The following RIMS1 variants were observed in gnomAD, a reference collection of about 807,000 sequenced individuals.
RIMS1 encodes regulating synaptic membrane exocytosis 1.
A neutral mutation model predicts 214.1 loss-of-function variants in RIMS1; 83 were observed. The ratio of observed to expected loss-of-function variants is 0.39; its 90% confidence interval spans 0.32 to 0.47. The LOEUF (loss-of-function observed/expected upper bound fraction) is 0.47. Ranked by LOEUF, RIMS1 falls within the 20% of genes least tolerant of loss-of-function variation. The probability of loss-of-function intolerance (pLI) is 0.99; values close to 1 mark genes in which losing one functional copy is unlikely to be tolerated. For synonymous variants in RIMS1, 793 were observed against 786.8 expected (o/e 1.01, Z -0.13); for missense variants, 2,050 against 2,161.8 (o/e 0.95, Z 1.03).
intron 6 of RIMS1, among the ~76,000 whole-genome samples, chr6:72,226,742 A>G (rs2060306840): frequency 7.9e-6 from 1 of 127,252 alleles, no homozygotes; most frequent in Non-Finnish European, 1.6e-5. Context: ...ACAGGACTTC[A>G]GCATTTTTCT....
intron 9 of RIMS1, among the ~76,000 whole-genome samples, chr6:72,239,003 T>C (rs143014679): frequency 5.3e-5 from 8 of 152,254 alleles, no homozygotes; most frequent in Non-Finnish European, 7.4e-5. Flanking sequence ...ACTTTGAATA[T>C]GTATAGAGAT....
At position 72,218,567 on chromosome 6, in the gene RIMS1, G is replaced by A. The variant is rs546907537; in HGVS notation, c.1679-15206G>A. Among the ~76,000 whole-genome samples the A allele has an allele frequency of 1.8e-3, 273 of 152,266 alleles. 1 individual carries two copies. The highest frequency in any genetic ancestry group is 6.4e-3 in the African/African-American group (266 of 41,560). On this transcript the variant is annotated intron_variant, in intron 6 of 33. Transcript: ENST00000521978. Reference sequence around the variant, plus strand: ...CCTAATTAAATATATTTTTTAGTGAGGATGGAAGGATTTTATTGTAAATTG... The same window carrying A: ...CCTAATTAAATATATTTTTTAGTGAAGATGGAAGGATTTTATTGTAAATTG...
chr6:71,926,621 A>G (rs1470248962), intron 1 of RIMS1, among the ~76,000 whole-genome samples: 2 of 152,174 alleles, frequency 1.3e-5, no homozygotes, highest in Admixed American at 6.5e-5. Context: ...AAATATTCCT[A>G]TTACTTACTT....
intron 29 of RIMS1, among the ~76,000 whole-genome samples, chr6:72,337,696 C>G (rs886486787): frequency 6.7e-6 from 1 of 148,908 alleles, no homozygotes; most frequent in African/African-American, 2.5e-5. Context: ...CCCATTAACT[C>G]GTCATTTAGC....
Position 72,260,752 on chromosome 6 carries a change from G to A in RIMS1, c.3101G>A (p.Cys1034Tyr). 1 of 1,612,318 alleles carries A rather than the reference G, an allele frequency of 6.2e-7. No homozygotes were observed. The highest frequency in any genetic ancestry group is 8.5e-7 in the Non-Finnish European group (1 of 1,178,854). The change falls in exon 19 of 34, where the codon TGC (cysteine) becomes TAC (tyrosine). Residue 1034 changes from cysteine (C) to tyrosine (Y), a missense_variant. Around this residue, in one of 6 missense-constraint regions of RIMS1, gnomAD observed 889 missense variants for 885.5 expected, o/e 1.00. Transcript: ENST00000521978. ...GCAAAACGAGGACGAAGTGCAGAAT[G>A]CCTACATACTACCAGGTAAATACAG... ...PRAKRGRSAE[C>Y]LHTTRHLVRH...
intron 2 of RIMS1, among the ~76,000 whole-genome samples, chr6:71,974,120 A>G (rs1029893675): frequency 6.6e-6 from 1 of 152,150 alleles, no homozygotes; most frequent in African/African-American, 2.4e-5. Context: ...TGATCACCTT[A>G]AGGAACAGGG....
chr6:71,988,651 T>G (rs1800710769), intron 2 of RIMS1, among the ~76,000 whole-genome samples: 1 of 152,130 alleles, frequency 6.6e-6, no homozygotes, highest in Admixed American at 6.5e-5. Context: ...TCTTAGGAGC[T>G]CCTGAAAAGA....
chr6:72,149,876 C>A (rs534431172), intron 4 of RIMS1, among the ~76,000 whole-genome samples: 54 of 152,322 alleles, frequency 3.5e-4, no homozygotes, highest in East Asian at 2.5e-3. Flanking sequence ...TGCAGACCAG[C>A]CTGTATTCTG....
chr6:72,057,142 C>G (rs1011121679), intron 2 of RIMS1, among the ~76,000 whole-genome samples: 2 of 152,102 alleles, frequency 1.3e-5, no homozygotes, highest in African/African-American at 4.8e-5. Context: ...AACAAACCTG[C>G]ATTTGTACCC....
At chr6:72,252,933 G>A in intron 16 of RIMS1, 101 bp downstream of exon 16, 2 of 813,372 alleles carry the variant, frequency 2.5e-6, no homozygotes, top group Non-Finnish European at 4.1e-6. Flanking sequence ...AAGATTTATA[G>A]CACAGAGAAA....
At chr6:72,166,791 A>G (rs534251537) in intron 4 of RIMS1, among the ~76,000 whole-genome samples, 1 of 151,566 alleles carries the variant, frequency 6.6e-6, no homozygotes, top group South Asian at 2.1e-4. Context: ...TTGACTTAGT[A>G]TCTTGCTAAT....
chr6:72,394,040 A>G (rs78057638), intron 31 of RIMS1, among the ~76,000 whole-genome samples: 1 of 148,916 alleles, frequency 6.7e-6, no homozygotes, highest in African/African-American at 2.5e-5. Flanking sequence ...AAAAAAAAAA[A>G]AAGATGGAAC....
At chr6:72,155,897 A>C (rs1389574732) in intron 4 of RIMS1, among the ~76,000 whole-genome samples, 1 of 140,566 alleles carries the variant, frequency 7.1e-6, no homozygotes, top group Non-Finnish European at 1.6e-5. Context: ...ATCACTAATC[A>C]TCAGAGAAAT....
chr6:71,956,791 G>A (rs985945439), intron 1 of RIMS1, among the ~76,000 whole-genome samples: 1 of 152,072 alleles, frequency 6.6e-6, no homozygotes, highest in Non-Finnish European at 1.5e-5. Flanking sequence ...GTTTCATCTC[G>A]TTGCGCGAAT....
chr6:72,149,343 C>A (rs2043190767), intron 4 of RIMS1, among the ~76,000 whole-genome samples: 1 of 152,182 alleles, frequency 6.6e-6, no homozygotes, highest in Non-Finnish European at 1.5e-5. Flanking sequence ...GTCTGGGCAT[C>A]TTGGCTAACA....
chr6:72,307,753 CAA>C (rs1211248892), intron 27 of RIMS1, among the ~76,000 whole-genome samples: 1 of 151,284 alleles, frequency 6.6e-6, no homozygotes, highest in Non-Finnish European at 1.5e-5. Context: ...TCTAAAAAAA[CAA>C]AAAAAGAAAA....
At chr6:72,399,243 T>C in intron 33 of RIMS1, 149 bp downstream of exon 33, 1 of 446,776 alleles carries the variant, frequency 2.2e-6, no homozygotes, top group Admixed American at 4.3e-5. Flanking sequence ...GGTTAGTTTA[T>C]AATATAAATA....
chr6:72,395,802 A>G (rs560836660), intron 31 of RIMS1, among the ~76,000 whole-genome samples: 2 of 152,110 alleles, frequency 1.3e-5, no homozygotes, highest in South Asian at 4.1e-4. Context: ...TGATATCCCA[A>G]TTACACTGAT....
At chr6:72,216,707 G>C in intron 6 of RIMS1, 2 of 985,160 alleles carry the variant, frequency 2.0e-6, no homozygotes, top group Non-Finnish European at 2.4e-6. Flanking sequence ...ATCCCAGTGA[G>C]TGTCAGTGGG....
Sources: allele counts gnomAD v4.1 joint callset (sites outside exome capture counted in the v4.1 genomes callset), GRCh38; gene constraint gnomAD v4.1.1; regional missense constraint gnomAD v4.1.1; transcripts MANE v1.5; gene names NCBI Gene and HGNC (gene_info 2026-07-23, HGNC 2026-07-21).